Variants in PHKB observed in about 807,000 individuals in gnomAD.
PHKB encodes phosphorylase b kinase regulatory subunit beta.
PHKB carries 122 observed loss-of-function variants against 152.1 expected under a neutral mutation model. That is an observed-to-expected ratio of 0.80 (90% confidence interval 0.69 to 0.93). The LOEUF is 0.93. Among genes scored for constraint, PHKB ranks in the 40% least tolerant of loss-of-function variants. PHKB has a pLI of 0.00. For synonymous variants in PHKB, 436 were observed against 464.9 expected (o/e 0.94, Z 0.80); for missense variants, 1,304 against 1,328.4 (o/e 0.98, Z 0.29).
intron 6 of PHKB, among the ~76,000 whole-genome samples, chr16:47,537,955 C>T (rs563267115): frequency 1.3e-5 from 2 of 151,944 alleles, no homozygotes; most frequent in South Asian, 2.1e-4. Context: ...AGTGCAGTGG[C>T]GTGATCACAG....
intron 26 of PHKB, among the ~76,000 whole-genome samples, chr16:47,684,194 G>T (rs996684549): frequency 2.0e-5 from 3 of 152,076 alleles, no homozygotes; most frequent in African/African-American, 7.2e-5. Context: ...TTAGCTGGGT[G>T]TAGCGGTGCC....
chr16:47,651,276 AC>A (rs570705822), intron 20 of PHKB, among the ~76,000 whole-genome samples: 1 of 152,126 alleles, frequency 6.6e-6, no homozygotes, highest in Non-Finnish European at 1.5e-5. Context: ...CTGGGAATAA[AC>A]CTTTTTCCAT....
At chr16:47,467,883 T>C (rs1016692568) in intron 1 of PHKB, among the ~76,000 whole-genome samples, 6 of 152,198 alleles carry the variant, frequency 3.9e-5, no homozygotes, top group African/African-American at 9.7e-5. Flanking sequence ...CTCCCTAGAA[T>C]TTCTGATTCT....
chr16:47,524,121 T>C (rs1970728421), intron 6 of PHKB, among the ~76,000 whole-genome samples: 1 of 152,208 alleles, frequency 6.6e-6, no homozygotes, highest in African/African-American at 2.4e-5. Context: ...ATGCTCTTGT[T>C]GAATTTCCGG....
chr16:47,475,355 A>G (rs1178628143), intron 1 of PHKB, among the ~76,000 whole-genome samples: 1 of 152,072 alleles, frequency 6.6e-6, no homozygotes, highest in Admixed American at 6.5e-5. Context: ...TTCTTTTTCT[A>G]TCTCGGGAAC....
chr16:47,512,687 C>T (rs1452428785), intron 5 of PHKB, among the ~76,000 whole-genome samples: 1 of 151,990 alleles, frequency 6.6e-6, no homozygotes, highest in Non-Finnish European at 1.5e-5. Flanking sequence ...ATTTTATTCC[C>T]CTCTCACATC....
At chr16:47,684,692 G>A (rs574623729) in intron 26 of PHKB, among the ~76,000 whole-genome samples, 11 of 152,200 alleles carry the variant, frequency 7.2e-5, no homozygotes, top group Non-Finnish European at 1.2e-4. Context: ...GCGTGAGCCC[G>A]GGAGGCAGAG....
rs1597040584 is a variant in PHKB at position 47,507,450 on chromosome 16, T to A, written c.406-4215T>A. ...TTATAATGGCATTTCTTACTCAACC[T>A]TATTAACCAGTCATCACAATTGTAA... On this transcript the variant is annotated intron_variant, in intron 4 of 30. Transcript: ENST00000323584. Among the ~76,000 whole-genome samples the A allele has an allele frequency of 2.0e-5, 3 of 152,338 alleles. No homozygotes were observed. The East Asian group carries it at 5.8e-4, about 29-fold the overall frequency.
chr16:47,654,234 C>T (rs1021349205), intron 20 of PHKB, among the ~76,000 whole-genome samples: 1 of 152,130 alleles, frequency 6.6e-6, no homozygotes. Flanking sequence ...GAGAAATGCA[C>T]ATCAAAACCA....
intron 6 of PHKB, among the ~76,000 whole-genome samples, chr16:47,532,682 A>G (rs1011430223): frequency 2.0e-5 from 3 of 152,364 alleles, no homozygotes; most frequent in Middle Eastern, 3.4e-3. Flanking sequence ...TGGGGAATGC[A>G]GTGGCACCCA....
At chr16:47,527,238 A>G (rs1970784300) in intron 6 of PHKB, among the ~76,000 whole-genome samples, 1 of 152,188 alleles carries the variant, frequency 6.6e-6, no homozygotes, top group Admixed American at 6.5e-5. Flanking sequence ...TATGATGGAA[A>G]ATTGATAAGT....
intron 29 of PHKB, 83 bp downstream of exon 29, chr16:47,696,571 G>C (rs538030536): frequency 5.9e-5 from 47 of 802,074 alleles, no homozygotes; most frequent in Non-Finnish European, 1.0e-4. Flanking sequence ...CTGCCTATGA[G>C]ACCCAGAATC....
At position 47,594,180 on chromosome 16, in the gene PHKB, T is replaced by A. The variant is rs1972078810; in HGVS notation, c.1170T>A (p.Asp390Glu). The A allele has an allele frequency of 5.7e-6, 9 of 1,577,282 alleles. No homozygotes were observed. In the East Asian group the frequency reaches 2.0e-4, roughly 35 times the overall value. ...CTAAGCAAGTACAGGAATATCAGGA[T>A]CTTTTGACTCCAGTACTTCATCATA... ...GNPKQVQEYQ[D>E]LLTPVLHHTT... Residue 390 changes from aspartate to glutamate, a missense_variant, in exon 12 of 31, where the codon GAT (aspartate) becomes GAA (glutamate). Physicochemically the swap from Asp to Glu is conservative, Grantham distance 45. Coordinates refer to ENST00000323584, the MANE Select transcript of PHKB (RefSeq NM_000293.3).
intron 24 of PHKB, 73 bp downstream of exon 24, chr16:47,663,807 C>A: frequency 1.1e-6 from 1 of 894,604 alleles, no homozygotes; most frequent in Non-Finnish European, 1.9e-6. Context: ...GAAAATGGAC[C>A]AATATTAAAG....
At chr16:47,503,180 G>A in intron 4 of PHKB, 90 bp downstream of exon 4, 2 of 948,444 alleles carry the variant, frequency 2.1e-6, no homozygotes, top group Non-Finnish European at 1.7e-6. Flanking sequence ...GAAGAAGAAT[G>A]TACTTTTCAA....
intron 27 of PHKB, among the ~76,000 whole-genome samples, chr16:47,692,773 G>T (rs1436408577): frequency 6.6e-6 from 1 of 152,162 alleles, no homozygotes; most frequent in East Asian, 1.9e-4. Context: ...AAATTTTGGT[G>T]TATCACTACA....
intron 26 of PHKB, among the ~76,000 whole-genome samples, chr16:47,681,828 T>A (rs928687233): frequency 1.3e-5 from 2 of 152,214 alleles, no homozygotes; most frequent in African/African-American, 2.4e-5. Flanking sequence ...GTTAGCTGGT[T>A]ATTTTGCTCG....
chr16:47,626,286 T>C (rs1972708994), intron 14 of PHKB, among the ~76,000 whole-genome samples: 2 of 152,208 alleles, frequency 1.3e-5, no homozygotes, highest in African/African-American at 4.8e-5. Context: ...AAAGGCTTGT[T>C]GGATTCTAGA....
intron 4 of PHKB, among the ~76,000 whole-genome samples, chr16:47,509,544 A>G (rs149335748): frequency 1.9e-3 from 288 of 152,334 alleles, no homozygotes; most frequent in African/African-American, 6.5e-3. Flanking sequence ...CTCTTGAGCA[A>G]TACAGTACCC....
Sources: gnomAD v4.1 joint callset for allele counts (sites outside exome capture counted in the v4.1 genomes callset) on GRCh38, gnomAD v4.1.1 for gene constraint, MANE v1.5 for transcripts, NCBI Gene and HGNC (gene_info 2026-07-23, HGNC 2026-07-21) for gene names.